Variants in DUOX1 observed in about 807,000 individuals in gnomAD.
The protein encoded by DUOX1 is dual oxidase 1.
In DUOX1, 134 loss-of-function variants were observed where a neutral mutation model predicts 181.8. The observed-to-expected ratio is 0.74, with a 90% confidence interval of 0.64 to 0.85. DUOX1 has a LOEUF of 0.85. DUOX1 is among the 40% of genes least tolerant of loss of function. The pLI, the probability that DUOX1 is intolerant of heterozygous loss-of-function variation, is 0.00. For synonymous variants in DUOX1, 798 were observed against 832.5 expected (o/e 0.96, Z 0.71); for missense variants, 1,814 against 2,064.4 (o/e 0.88, Z 2.35).
rs1377116710 is a variant in DUOX1, at chr15:45,144,923, G to A, written c.2165G>A (p.Arg722Gln). The A allele has an allele frequency of 5.0e-6, 8 of 1,612,692 alleles. No homozygotes were observed. Among genetic ancestry groups the A allele is most frequent in the African/African-American group, 2.7e-5 (2 of 74,870 alleles). Residue 722 changes from arginine (R) to glutamine (Q), a missense_variant, in exon 18 of 34, where the codon CGG becomes CAG. Around this residue, in one of 5 missense-constraint regions of DUOX1, gnomAD observed 1,064 missense variants for 1,152.9 expected, o/e 0.92. Coordinates refer to ENST00000389037, the MANE Select transcript of DUOX1 (RefSeq NM_175940.3). ...CTGCTGTTTAACTTGGAGGAAGAGC[G>A]GCAGGCGCTGGTGGAAAATCTCCGG... ...LVLLFNLEEE[R>Q]QALVENLRGA...
In DUOX1 at chr15:45,163,586, A is replaced by C; in HGVS notation, c.4303A>C (p.Ile1435Leu). 1 of 1,614,152 alleles carries C rather than the reference A, an allele frequency of 6.2e-7. No homozygotes were observed. Among genetic ancestry groups the C allele is most frequent in the Non-Finnish European group, 8.5e-7 (1 of 1,180,018 alleles). Residue 1435 changes from isoleucine to leucine, a missense_variant, in exon 32 of 34, where the codon ATC becomes CTC. Ile to Leu is a conservative substitution (Grantham distance 5). This residue lies in a region of DUOX1 where 279 missense variants were observed against 381.9 expected (regional missense o/e 0.73). Coordinates refer to ENST00000389037, the MANE Select transcript of DUOX1 (RefSeq NM_175940.3). The part of the protein sequence containing the change: ...TQRQFEWLAD[I>L]IREVEENDHQ... ...GCGTCAGTTTGAGTGGCTGGCTGAC[A>C]TCATCCGAGAGGTGGAGGAGAATGA...
chr15:45,132,706 C>G (rs901521958), intron 2 of DUOX1, among the ~76,000 whole-genome samples: 1 of 152,200 alleles, frequency 6.6e-6, no homozygotes, highest in Admixed American at 6.5e-5. Context: ...TACAACTTCT[C>G]CCTTGCCAGA....
intron 21 of DUOX1, among the ~76,000 whole-genome samples, chr15:45,148,976 A>C (rs1896736617): frequency 6.6e-6 from 1 of 151,984 alleles, no homozygotes; most frequent in Admixed American, 6.5e-5. Flanking sequence ...ATGTTTGCTG[A>C]ATACATGAAG....
intron 10 of DUOX1, among the ~76,000 whole-genome samples, chr15:45,138,305 C>T (rs1052956112): frequency 2.0e-5 from 3 of 152,140 alleles, no homozygotes; most frequent in Non-Finnish European, 4.4e-5. Flanking sequence ...GGTATGGTTC[C>T]GCCTTCGTTG....
Position 45,139,407 on chromosome 15 carries a change from G to A in DUOX1, c.1217-20G>A. 1 of 1,611,220 alleles carries A rather than the reference G, an allele frequency of 6.2e-7. No homozygotes were observed. Among genetic ancestry groups the A allele is most frequent in the Non-Finnish European group, 8.5e-7 (1 of 1,179,148 alleles). On this transcript the variant is annotated intron_variant, in intron 11 of 33. Coordinates refer to ENST00000389037, the MANE Select transcript of DUOX1 (RefSeq NM_175940.3). Reference sequence around the variant, plus strand: ...TGGTGGCCCTGAGCTCCCTCAGACTGTCTGGTATCTTGTCTCCAGATTTCT... The same window carrying A: ...TGGTGGCCCTGAGCTCCCTCAGACTATCTGGTATCTTGTCTCCAGATTTCT...
chr15:45,162,262 A>G lies in DUOX1; in HGVS notation c.4133A>G (p.His1378Arg), dbSNP rs200458948. Reference protein sequence around the residue: ...GPFGEGHQEWHKFEVSVLVGG... With the variant: ...GPFGEGHQEWRKFEVSVLVGG... ...TTTGGAGAGGGCCACCAGGAGTGGCATAAGTTTGAGGTGTCAGTGTTAGTG... is the reference window on the plus strand; with the variant it reads ...TTTGGAGAGGGCCACCAGGAGTGGCGTAAGTTTGAGGTGTCAGTGTTAGTG... Residue 1378 changes from histidine to arginine, a missense_variant, in exon 31 of 34, where the codon CAT (histidine) becomes CGT (arginine). Physicochemically the swap from His to Arg is conservative, Grantham distance 29 (BLOSUM62 0). Around this residue, in one of 5 missense-constraint regions of DUOX1, gnomAD observed 279 missense variants for 381.9 expected, o/e 0.73. Transcript: ENST00000389037. 4 of 1,612,980 alleles carry G rather than the reference A, an allele frequency of 2.5e-6. No homozygotes were observed. Among genetic ancestry groups the G allele is most frequent in the Middle Eastern group, 1.7e-4 (1 of 6,054 alleles).
At chr15:45,141,855 C>T (rs1896501645) in intron 14 of DUOX1, 120 bp from the exon 15 acceptor site, 2 of 1,162,960 alleles carry the variant, frequency 1.7e-6, no homozygotes, top group African/African-American at 3.1e-5. Context: ...CAAGGCAGCC[C>T]CTTCCCCTCA....
chr15:45,148,523 C>A, intron 21 of DUOX1, 76 bp downstream of exon 21: 4 of 1,449,044 alleles, frequency 2.8e-6, no homozygotes, highest in South Asian at 2.9e-5. Context: ...TTTTAGGAGT[C>A]CACAGAAATG....
intron 28 of DUOX1, among the ~76,000 whole-genome samples, 154 bp from the exon 29 acceptor site, chr15:45,160,674 AGTTGGGAAT>A (rs1897076195): frequency 9.5e-6 from 1 of 105,274 alleles, no homozygotes; most frequent in South Asian, 4.5e-4. Flanking sequence ...TGGAGGATGG[AGTTGGGAAT>A]GGTGAGGTTT....
chr15:45,135,396 C>T (rs1896275149), intron 5 of DUOX1, 78 bp from the exon 6 acceptor site: 5 of 1,501,852 alleles, frequency 3.3e-6, no homozygotes, highest in Non-Finnish European at 4.4e-6. Flanking sequence ...TCCCCAGCCG[C>T]GGACACCCGC....
intron 28 of DUOX1, 146 bp downstream of exon 28, chr15:45,156,075 G>A: frequency 1.7e-6 from 2 of 1,145,446 alleles, no homozygotes; most frequent in Non-Finnish European, 2.5e-6. Flanking sequence ...AGGTGGAGAT[G>A]ATAGTACAGG....
intron 9 of DUOX1, 28 bp from the exon 10 acceptor site, chr15:45,137,896 C>T: frequency 6.4e-7 from 1 of 1,555,264 alleles, no homozygotes; most frequent in Non-Finnish European, 8.8e-7. Flanking sequence ...TTATCTCAAT[C>T]ACCATCTCCC....
In DUOX1 at chr15:45,147,944, C is replaced by T. The variant is rs910202422; in HGVS notation, c.2589C>T (p.Tyr863=). 2 of 1,614,156 alleles carry T rather than the reference C, an allele frequency of 1.2e-6. No individual in the cohort carries two copies. The highest frequency in any genetic ancestry group is 1.6e-4 in the Middle Eastern group (1 of 6,062). The part of the protein sequence containing the change: ...EEKSRLMFRM[Y]DFDGNGLISK... ...AGTCTCGCCTTATGTTCCGCATGTA[C>T]GACTTTGATGGGAATGGCCTCATTT... Residue 863 remains tyrosine, a synonymous_variant, in exon 20 of 34, where the codon TAC becomes TAT. Transcript: ENST00000389037.
chr15:45,159,762 G>A (rs1897051371), intron 28 of DUOX1, among the ~76,000 whole-genome samples: 1 of 152,194 alleles, frequency 6.6e-6, no homozygotes, highest in Admixed American at 6.5e-5. Context: ...CCTATCATAT[G>A]CCAGGCAGAA....
rs1488608982 is a variant in DUOX1, at chr15:45,143,990, C to A, written c.1937-46C>A. 3.7e-6 allele frequency: 6 copies of A among 1,600,052 alleles called. No homozygotes were observed. The African/African-American group carries it at 4.0e-5, about 11-fold the overall frequency. On this transcript the variant is annotated intron_variant, in intron 16 of 33. Coordinates refer to ENST00000389037, the MANE Select transcript of DUOX1 (RefSeq NM_175940.3). Reference sequence around the variant, plus strand: ...AGCTGGCCCTCTTCCTCCCAATGTACCTCTGATGGGTCCCAGCTGACGAAG... The same window carrying A: ...AGCTGGCCCTCTTCCTCCCAATGTAACTCTGATGGGTCCCAGCTGACGAAG...
rs1254639744 is a variant in DUOX1, at chr15:45,143,227, G to A, written c.1860G>A (p.Arg620=). 1 of 1,614,164 alleles carries A rather than the reference G, an allele frequency of 6.2e-7. No individual in the cohort carries two copies. Among genetic ancestry groups the A allele is most frequent in the East Asian group, 2.2e-5 (1 of 44,874 alleles). Reference sequence around the variant, plus strand: ...GTGCCTGGATTGTTGCCCGGCTCCGGATGAGAAATTTCAAGAGGCTCCAGG... The same window carrying A: ...GTGCCTGGATTGTTGCCCGGCTCCGAATGAGAAATTTCAAGAGGCTCCAGG... ...LLSAWIVARL[R]MRNFKRLQGQ... is the part of the protein sequence containing the mutation. The change falls in exon 16 of 34, where the codon CGG becomes CGA. Residue 620 remains arginine, a synonymous_variant. Coordinates refer to ENST00000389037, the MANE Select transcript of DUOX1 (RefSeq NM_175940.3).
chr15:45,138,939 C>G, intron 10 of DUOX1, 127 bp from the exon 11 acceptor site: 1 of 823,732 alleles, frequency 1.2e-6, no homozygotes, highest in Non-Finnish European at 1.9e-6. Flanking sequence ...AATGTCCCAC[C>G]GGTTTGGGAG....
intron 20 of DUOX1, 110 bp from the exon 21 acceptor site, chr15:45,148,162 G>A (rs1320352740): frequency 4.6e-5 from 71 of 1,545,540 alleles, no homozygotes; most frequent in East Asian, 1.8e-4. Context: ...GTGGCCAGTC[G>A]GGGCCCCTCC....
At chr15:45,142,767 AGAAG>A (rs57036192) in intron 15 of DUOX1, among the ~76,000 whole-genome samples, 3,909 of 115,206 alleles carry the variant, frequency 0.034, 246 homozygotes, top group African/African-American at 0.12. Flanking sequence ...AAGGAAGGAA[AGAAG>A]GAAGGAAGGA....
Sources: gnomAD v4.1 joint callset for allele counts (sites outside exome capture counted in the v4.1 genomes callset) on GRCh38, gnomAD v4.1.1 for gene constraint, gnomAD v4.1.1 regional missense constraint, MANE v1.5 for transcripts, NCBI Gene and HGNC (gene_info 2026-07-23, HGNC 2026-07-21) for gene names.